The following TMEFF2 variants were observed in gnomAD, a reference collection of about 807,000 sequenced individuals.
TMEFF2 encodes the protein transmembrane protein with EGF like and two follistatin like domains 2, also known as tomoregulin-2.
In TMEFF2, 28 loss-of-function variants were observed where a neutral mutation model predicts 53.8. The observed-to-expected ratio is 0.52, with a 90% CI of 0.39 to 0.71. TMEFF2 has a LOEUF of 0.71. TMEFF2 is among the 30% of genes least tolerant of loss of function. The pLI is 0.00. For missense variants in TMEFF2, 353 were observed against 455.2 expected, an observed-to-expected ratio of 0.78 and a Z score of 2.04; for synonymous variants, 162 against 166.3, an observed-to-expected ratio of 0.97 and a Z score of 0.20.
chr2:192,018,688 T>C (rs12464823), intron 5 of TMEFF2, among the ~76,000 whole-genome samples: 38,916 of 152,098 alleles, frequency 0.26, 5,550 homozygotes, highest in African/African-American at 0.37. Context: ...TCACTTGAAA[T>C]TTTGATCCAA....
intron 4 of TMEFF2, among the ~76,000 whole-genome samples, chr2:192,075,350 A>G (rs899628640): frequency 1.0e-4 from 8 of 79,080 alleles, no homozygotes; most frequent in Non-Finnish European, 1.9e-4. Context: ...TACTATGTAT[A>G]TCCTTGCAAA....
intron 4 of TMEFF2, among the ~76,000 whole-genome samples, chr2:192,109,365 C>A (rs765189220): frequency 6.6e-6 from 1 of 151,952 alleles, no homozygotes; most frequent in East Asian, 1.9e-4. Context: ...TCTGTTTTAT[C>A]GACTCACTGC....
chr2:192,108,044 TAGA>T (rs1355406283), intron 4 of TMEFF2, among the ~76,000 whole-genome samples: 1 of 151,682 alleles, frequency 6.6e-6, no homozygotes, highest in Non-Finnish European at 1.5e-5. Context: ...TGGCACTGAA[TAGA>T]AAAAAGTGTA....
chr2:191,998,315 G>A lies in TMEFF2; in HGVS notation c.692C>T (p.Thr231Ile), dbSNP rs766298682. 6.3e-7 allele frequency: 1 copy of A among 1,593,698 alleles called. No individual in the cohort carries two copies. The highest frequency in any genetic ancestry group is 1.1e-5 in the South Asian group (1 of 88,170). The change falls in exon 7 of 10, where the codon ACA becomes ATA. Residue 231 changes from threonine to isoleucine, a missense_variant. By Grantham distance (89) the Thr-to-Ile change is moderately conservative. Coordinates refer to ENST00000272771, the MANE Select transcript of TMEFF2 (RefSeq NM_016192.4). ...VMSLGRCQDNTTTTTKSEDGH... is the reference protein window; with the variant it reads ...VMSLGRCQDNITTTTKSEDGH... ...ATCTTCAGACTTAGTAGTTGTAGTT[G>A]TGTTATCTGTGTTAAAAAATTAACA... is the stretch of plus-strand genomic sequence containing the variant.
rs146461523 is a variant in TMEFF2 at position 192,047,880 on chromosome 2, A to AAT, written c.536+9797_536+9798dup. 3.9e-5 allele frequency among the ~76,000 whole-genome samples: 6 copies of AAT among 152,318 alleles called. No homozygotes were observed. The East Asian group carries it at 1.2e-3, about 29-fold the overall frequency. On this transcript the variant is annotated intron_variant, in intron 5 of 9. Transcript: ENST00000272771. The stretch of plus-strand genomic sequence containing the variant: ...GTAGTTTAGATGAGTCAACACATAC[A>AAT]ATATATTACTATTTGGAAGTAAACC...
intron 2 of TMEFF2, among the ~76,000 whole-genome samples, chr2:192,189,469 C>A (rs1046787644): frequency 8.3e-5 from 12 of 143,732 alleles, no homozygotes; most frequent in East Asian, 2.1e-4. Context: ...TGCTGGGACC[C>A]AGGAGGTGGA....
intron 4 of TMEFF2, among the ~76,000 whole-genome samples, chr2:192,162,266 G>A (rs1359138634): frequency 6.6e-6 from 1 of 152,140 alleles, no homozygotes; most frequent in Non-Finnish European, 1.5e-5. Flanking sequence ...ACAAATATGA[G>A]AAACCCCTTA....
chr2:191,991,311 A>C (rs1465145189), intron 7 of TMEFF2, among the ~76,000 whole-genome samples: 1 of 152,122 alleles, frequency 6.6e-6, no homozygotes, highest in Non-Finnish European at 1.5e-5. Flanking sequence ...ATATATGTAT[A>C]ACAACTCTGA....
chr2:191,972,308 C>CTTT (rs764218539), intron 7 of TMEFF2, among the ~76,000 whole-genome samples: 48 of 72,820 alleles, frequency 6.6e-4, no homozygotes, highest in South Asian at 1.4e-3. Context: ...TCATGCCCAG[C>CTTT]TTTTTTTTTT....
chr2:192,160,663 C>A (rs1019674075), intron 4 of TMEFF2, among the ~76,000 whole-genome samples: 2 of 151,708 alleles, frequency 1.3e-5, no homozygotes, highest in Admixed American at 6.6e-5. Flanking sequence ...ATTTAGGGGA[C>A]CTTCTTTAGA....
At chr2:191,956,526 G>A in intron 7 of TMEFF2, 148 bp from the exon 8 acceptor site, 2 of 984,090 alleles carry the variant, frequency 2.0e-6, no homozygotes, top group Non-Finnish European at 2.8e-6. Context: ...GAGGAAGAAA[G>A]AACTGAAAGA....
chr2:192,150,278 C>T (rs1268225513), intron 4 of TMEFF2, among the ~76,000 whole-genome samples: 3 of 151,752 alleles, frequency 2.0e-5, no homozygotes, highest in Admixed American at 6.6e-5. Context: ...ATCAGGCTGA[C>T]GTTGACAAAA....
At chr2:191,957,028 T>C (rs976590899) in intron 7 of TMEFF2, among the ~76,000 whole-genome samples, 8 of 152,358 alleles carry the variant, frequency 5.3e-5, no homozygotes, top group Admixed American at 3.9e-4. Context: ...TGTAAGTGTA[T>C]TTAAATGCAT....
intron 5 of TMEFF2, among the ~76,000 whole-genome samples, chr2:192,048,885 T>G (rs2105894049): frequency 6.6e-6 from 1 of 152,330 alleles, no homozygotes; most frequent in African/African-American, 2.4e-5. Context: ...TCTAGTAACA[T>G]TCTCATCTGA....
At chr2:192,149,361 G>A (rs1006512305) in intron 4 of TMEFF2, among the ~76,000 whole-genome samples, 3 of 151,966 alleles carry the variant, frequency 2.0e-5, no homozygotes, top group Non-Finnish European at 4.4e-5. Context: ...ACGAGTGGGT[G>A]TGTATACAAG....
intron 5 of TMEFF2, among the ~76,000 whole-genome samples, chr2:192,009,166 A>G (rs1026280930): frequency 2.0e-5 from 3 of 152,166 alleles, no homozygotes; most frequent in African/African-American, 7.2e-5. Context: ...TTATTAGATA[A>G]TCGAGTCAGT....
At chr2:191,954,327 C>T (rs996361744) in intron 8 of TMEFF2, among the ~76,000 whole-genome samples, 7 of 151,720 alleles carry the variant, frequency 4.6e-5, no homozygotes, top group Admixed American at 2.6e-4. Context: ...TTGTGTTTCT[C>T]GGTTATCAGA....
intron 7 of TMEFF2, among the ~76,000 whole-genome samples, chr2:191,975,719 A>G (rs560539986): frequency 6.6e-6 from 1 of 152,264 alleles, no homozygotes; most frequent in South Asian, 2.1e-4. Context: ...AATTGCATCC[A>G]ATATAGGGAT....
In TMEFF2 at chr2:192,194,658, G is replaced by A. The variant is rs1574453986; in HGVS notation, c.-134C>T. On this transcript the variant is annotated 5_prime_UTR_variant, in exon 1 of 10. Coordinates refer to ENST00000272771, the MANE Select transcript of TMEFF2 (RefSeq NM_016192.4). This position sits in a 1 kb window ranked among gnomAD's most constrained non-coding sequence, Gnocchi z 4.2. ...GCGGCGGTGGCAGTGGCACCCGGCGGGGAAGCAGCAGCCAAACCCGCGCAT... is the reference window on the plus strand; with the variant it reads ...GCGGCGGTGGCAGTGGCACCCGGCGAGGAAGCAGCAGCCAAACCCGCGCAT... The A allele has an allele frequency of 9.3e-6, 9 of 965,328 alleles. No individual in the cohort carries two copies. The Admixed American group carries it at 2.0e-4, about 21-fold the overall frequency. 59.8% of individuals were successfully genotyped at this position (965,328 alleles called of 1,614,324 possible).
Sources: allele counts gnomAD v4.1 joint callset (sites outside exome capture counted in the v4.1 genomes callset), GRCh38; gene constraint gnomAD v4.1.1; non-coding constraint Gnocchi (gnomAD v3.1); transcripts MANE v1.5; gene names NCBI Gene and HGNC (gene_info 2026-07-23, HGNC 2026-07-21).